TEC: variants seen among roughly 807,000 people sequenced by gnomAD.
The protein encoded by TEC is tec protein tyrosine kinase.
TEC carries 72 observed loss-of-function variants against 93.0 expected under a neutral mutation model. That is an observed-to-expected ratio of 0.77 (90% CI 0.64 to 0.94). The LOEUF is 0.94. Ranked by LOEUF, TEC falls within the 40% of genes least tolerant of loss-of-function variation. TEC has a pLI of 0.00. For synonymous variants in TEC, 249 were observed against 247.7 expected (o/e 1.01, Z -0.05); for missense variants, 630 against 757.9 (o/e 0.83, Z 1.98).
intron 1 of TEC, among the ~76,000 whole-genome samples, chr4:48,258,852 ACT>A (rs1724415066): frequency 1.3e-5 from 2 of 151,742 alleles, no homozygotes; most frequent in Non-Finnish European, 2.9e-5. Flanking sequence ...AAAGGGAAAG[ACT>A]CTCCTCCGAA....
chr4:48,141,316 A>G (rs1310388035), intron 15 of TEC, 39 bp downstream of exon 15: 1 of 1,577,382 alleles, frequency 6.3e-7, no homozygotes, highest in Non-Finnish European at 8.7e-7. Context: ...CACCAAAAAA[A>G]TGCAAACATC....
In TEC at chr4:48,234,512, T is replaced by C. The variant is rs551144099; in HGVS notation, c.-45-5853A>G. Among the ~76,000 whole-genome samples the C allele has an allele frequency of 4.6e-5, 7 of 152,302 alleles. No individual in the cohort carries two copies. The South Asian group carries it at 1.2e-3, about 27-fold the overall frequency. ...AGGAGGTTCTTCCAAAGAATTCTTC[T>C]AGGAAACAAAACTGAATGTATGGGG... is the stretch of plus-strand genomic sequence containing the variant. On this transcript the variant is annotated intron_variant, in intron 1 of 17. Coordinates refer to ENST00000381501, the MANE Select transcript of TEC (RefSeq NM_003215.3).
In TEC at chr4:48,213,046, A is replaced by G. The variant is rs1300044652; in HGVS notation, c.138+15431T>C. Among the ~76,000 whole-genome samples, 3 of 152,230 alleles carry G rather than the reference A, an allele frequency of 2.0e-5. No homozygotes were observed. In the East Asian group the frequency reaches 5.8e-4, roughly 29 times the overall value. On this transcript the variant is annotated intron_variant, in intron 2 of 17. Transcript: ENST00000381501. The stretch of plus-strand genomic sequence containing the variant: ...TAAACATATTCCTCTCAAAGGCACA[A>G]AATTTATATTTTACAATCTTATGAG...
chr4:48,245,876 A>T (rs1442597505), intron 1 of TEC, among the ~76,000 whole-genome samples: 4 of 152,232 alleles, frequency 2.6e-5, no homozygotes, highest in Non-Finnish European at 5.9e-5. Flanking sequence ...TTTGGGAGGC[A>T]GAGGAGGGTA....
chr4:48,204,874 C>T (rs1383674911), intron 2 of TEC, among the ~76,000 whole-genome samples: 4 of 152,090 alleles, frequency 2.6e-5, no homozygotes, highest in African/African-American at 9.7e-5. Flanking sequence ...GGCCACGCAC[C>T]GAAACCGGTA....
chr4:48,149,703 T>C lies in TEC; in HGVS notation c.873-13A>G. The C allele has an allele frequency of 6.3e-7, 1 of 1,591,812 alleles. No individual in the cohort carries two copies. Among genetic ancestry groups the C allele is most frequent in the South Asian group, 1.2e-5 (1 of 86,530 alleles). On this transcript the variant is annotated splice_polypyrimidine_tract_variant and intron_variant, in intron 10 of 17. Coordinates refer to ENST00000381501, the MANE Select transcript of TEC (RefSeq NM_003215.3). ...CGATGAACCTTCTCTAGAACAAAAA[T>C]CAAAATGTGTCAGAACCAAGTTGAA...
At chr4:48,268,292 A>C (rs1207445660) in intron 1 of TEC, among the ~76,000 whole-genome samples, 2 of 152,236 alleles carry the variant, frequency 1.3e-5, no homozygotes, top group Non-Finnish European at 1.5e-5. Flanking sequence ...AACTAGAGTA[A>C]AGCACTGACT....
intron 8 of TEC, among the ~76,000 whole-genome samples, chr4:48,160,175 G>T (rs928217854): frequency 6.6e-6 from 1 of 152,084 alleles, no homozygotes; most frequent in African/African-American, 2.4e-5. Flanking sequence ...ATATCTCAAG[G>T]GCATACAGCT....
At chr4:48,143,639 G>A (rs1719776176) in intron 14 of TEC, among the ~76,000 whole-genome samples, 1 of 152,144 alleles carries the variant, frequency 6.6e-6, no homozygotes, top group Admixed American at 6.5e-5. Flanking sequence ...AACACACCTA[G>A]GAAATAAAGT....
At chr4:48,149,820 T>G in intron 10 of TEC, 130 bp from the exon 11 acceptor site, 1 of 804,032 alleles carries the variant, frequency 1.2e-6, no homozygotes, top group Non-Finnish European at 1.8e-6. Context: ...AAATTTTACT[T>G]TCCCCTTGTT....
At chr4:48,168,382 C>T (rs1395846320) in intron 6 of TEC, among the ~76,000 whole-genome samples, 1 of 152,176 alleles carries the variant, frequency 6.6e-6, no homozygotes, top group Non-Finnish European at 1.5e-5. Flanking sequence ...ATGATAAAAT[C>T]TCATACAATT....
intron 1 of TEC, among the ~76,000 whole-genome samples, chr4:48,267,563 T>C (rs1313934015): frequency 1.3e-5 from 2 of 152,234 alleles, no homozygotes; most frequent in Non-Finnish European, 2.9e-5. Context: ...TCCAACAGAC[T>C]TGAATGCCCA....
In TEC at chr4:48,254,535, G is replaced by A. The variant is rs549329822; in HGVS notation, c.-46+15217C>T. On this transcript the variant is annotated intron_variant, in intron 1 of 17. Coordinates refer to ENST00000381501, the MANE Select transcript of TEC (RefSeq NM_003215.3). The stretch of plus-strand genomic sequence containing the variant: ...AGAATGGAAGTTCAAAATCATAGGA[G>A]GCTTGAGAGTACATAGAAAGACAGT... Among the ~76,000 whole-genome samples the A allele has an allele frequency of 5.3e-5, 8 of 152,310 alleles. No individual in the cohort carries two copies. The East Asian group carries it at 1.3e-3, about 26-fold the overall frequency.
chr4:48,173,900 T>C (rs1721217751), intron 3 of TEC, among the ~76,000 whole-genome samples: 1 of 152,106 alleles, frequency 6.6e-6, no homozygotes, highest in African/African-American at 2.4e-5. Context: ...TCCCCACCAT[T>C]CTCTCCATCC....
chr4:48,194,071 T>C lies in TEC; in HGVS notation c.139-17885A>G, dbSNP rs538533581. ...ACCCCACCTCCTGGTATCCCAACCA[T>C]GACCAATGGATTGATGAAGTGATAA... is the stretch of plus-strand genomic sequence containing the variant. On this transcript the variant is annotated intron_variant, in intron 2 of 17. Transcript: ENST00000381501. Among the ~76,000 whole-genome samples, 5 of 152,252 alleles carry C rather than the reference T, an allele frequency of 3.3e-5. No homozygotes were observed. The South Asian group carries it at 1.0e-3, about 32-fold the overall frequency.
At chr4:48,236,767 C>A (rs949791737) in intron 1 of TEC, among the ~76,000 whole-genome samples, 4 of 152,158 alleles carry the variant, frequency 2.6e-5, no homozygotes, top group African/African-American at 9.7e-5. Flanking sequence ...ACTGTATCAC[C>A]GGTGAGAAAC....
intron 9 of TEC, among the ~76,000 whole-genome samples, chr4:48,153,028 G>A (rs1305497723): frequency 6.6e-6 from 1 of 152,114 alleles, no homozygotes; most frequent in Non-Finnish European, 1.5e-5. Context: ...GTCACAGGTA[G>A]ACCCAGGTCC....
intron 2 of TEC, among the ~76,000 whole-genome samples, chr4:48,222,596 C>G (rs575106826): frequency 2.4e-4 from 37 of 152,072 alleles, no homozygotes; most frequent in Non-Finnish European, 3.8e-4. Flanking sequence ...AGGAAGCAAA[C>G]TGACCTCCCC....
At chr4:48,161,472 T>C (rs771657244) in intron 8 of TEC, among the ~76,000 whole-genome samples, 16 of 152,062 alleles carry the variant, frequency 1.1e-4, no homozygotes, top group African/African-American at 3.1e-4. Context: ...AAGTTAGAAC[T>C]AGGTTACTGA....
Sources: allele counts gnomAD v4.1 joint callset (sites outside exome capture counted in the v4.1 genomes callset), GRCh38; gene constraint gnomAD v4.1.1; transcripts MANE v1.5; gene names NCBI Gene and HGNC (gene_info 2026-07-23, HGNC 2026-07-21).